TMEFF1: variants seen among roughly 807,000 people sequenced by gnomAD.
TMEFF1 encodes the protein tomoregulin-1.
A neutral mutation model predicts 47.5 loss-of-function variants in TMEFF1; 20 were observed. That is an observed-to-expected ratio of 0.42 (90% CI 0.30 to 0.61). The LOEUF (loss-of-function observed/expected upper bound fraction) is 0.61, where lower values mean the gene tolerates loss of function less well. Among genes scored for constraint, TMEFF1 ranks in the 20% least tolerant of loss-of-function variants. The probability of loss-of-function intolerance (pLI) is 0.19; values close to 1 mark genes in which losing one functional copy is unlikely to be tolerated. For missense variants in TMEFF1, 411 were observed against 471.1 expected (o/e 0.87, Z 1.18); for synonymous variants, 162 against 166.3 (o/e 0.97, Z 0.20).
rs576586021 is a variant in TMEFF1 at position 100,572,480 on chromosome 9, G to A, written c.900-38G>A. On this transcript the variant is annotated intron_variant, in intron 8 of 9. Transcript: ENST00000374879. ...TAAAAGCTTGGGAGTATCAAAATTT[G>A]TAATTTTCATAGGAATATATATATT... is the stretch of plus-strand genomic sequence containing the variant. 25 of 1,480,466 alleles carry A rather than the reference G, an allele frequency of 1.7e-5. No homozygotes were observed. In the South Asian group the frequency reaches 3.7e-4, roughly 22 times the overall value. The allele number at this position is 1,480,466 out of a possible 1,614,324, so 91.7% of individuals were successfully genotyped here. A position where few individuals can be genotyped will look rare whatever the true frequency, so the allele number is the denominator to read the frequency against.
chr9:100,575,729 A>G (rs1053052383), intron 9 of TMEFF1, among the ~76,000 whole-genome samples: 19 of 152,114 alleles, frequency 1.2e-4, no homozygotes, highest in Admixed American at 3.9e-4. Context: ...TTTTTTACAT[A>G]TAGGAGAATT....
chr9:100,496,945 G>T (rs1241578595), intron 1 of TMEFF1, among the ~76,000 whole-genome samples: 11 of 152,210 alleles, frequency 7.2e-5, no homozygotes, highest in Non-Finnish European at 1.5e-4. Flanking sequence ...TCTTAGTTGA[G>T]CAGATATTGT....
chr9:100,530,806 T>C (rs1045324734), intron 5 of TMEFF1, among the ~76,000 whole-genome samples: 3 of 151,758 alleles, frequency 2.0e-5, no homozygotes, highest in Non-Finnish European at 4.4e-5. Context: ...TAGACCAATA[T>C]CCTTGATGAA....
At chr9:100,493,071 C>T (rs923295302) in intron 1 of TMEFF1, among the ~76,000 whole-genome samples, 12 of 151,894 alleles carry the variant, frequency 7.9e-5, no homozygotes, top group Non-Finnish European at 1.2e-4. Flanking sequence ...AGTTTTGCCC[C>T]CTTCCCCCCT....
intron 9 of TMEFF1, among the ~76,000 whole-genome samples, chr9:100,574,546 A>AT (rs553647121): frequency 6.4e-4 from 93 of 145,360 alleles, no homozygotes; most frequent in South Asian, 5.7e-3. Context: ...TAATTTTTGT[A>AT]TTTTTTTTTT....
intron 5 of TMEFF1, among the ~76,000 whole-genome samples, chr9:100,544,585 A>G (rs1406876764): frequency 6.6e-6 from 1 of 151,986 alleles, no homozygotes; most frequent in Non-Finnish European, 1.5e-5. Flanking sequence ...CAGCCAAACC[A>G]TATCATTCCC....
chr9:100,562,259 C>T (rs1215919197), intron 8 of TMEFF1, among the ~76,000 whole-genome samples: 2 of 151,940 alleles, frequency 1.3e-5, no homozygotes, highest in Non-Finnish European at 2.9e-5. Context: ...TCCTTTTTTT[C>T]CTTTCTTAGT....
intron 7 of TMEFF1, among the ~76,000 whole-genome samples, chr9:100,557,860 C>G (rs1441091260): frequency 2.0e-5 from 3 of 149,580 alleles, no homozygotes; most frequent in African/African-American, 4.9e-5. Flanking sequence ...TCCTCTGTAG[C>G]TTAGCTGAGC....
intron 5 of TMEFF1, among the ~76,000 whole-genome samples, chr9:100,532,857 G>C (rs1460069499): frequency 6.6e-6 from 1 of 152,078 alleles, no homozygotes; most frequent in Non-Finnish European, 1.5e-5. Context: ...AACAATGATA[G>C]ACTGGATTAA....
chr9:100,509,477 A>T (rs561531455), intron 3 of TMEFF1, among the ~76,000 whole-genome samples: 1 of 152,100 alleles, frequency 6.6e-6, no homozygotes, highest in Non-Finnish European at 1.5e-5. Context: ...TGATTTTTTA[A>T]AAAGAGGTGA....
At chr9:100,546,598 A>G in intron 5 of TMEFF1, among the ~76,000 whole-genome samples, 1 of 152,240 alleles carries the variant, frequency 6.6e-6, no homozygotes, top group East Asian at 1.9e-4. Context: ...AATCAGCTTT[A>G]GAGAGCTCAA....
chr9:100,561,385 T>C lies in TMEFF1; in HGVS notation c.776-12T>C, dbSNP rs1340454979. 2 of 1,610,132 alleles carry C rather than the reference T, an allele frequency of 1.2e-6. No individual in the cohort carries two copies. The highest frequency in any genetic ancestry group is 3.4e-5 in the Admixed American group (2 of 59,150). ...TTTCATTGTTGAACGATCTGGTTTA[T>C]GTTCTTTTAAGATGCTAGTGATCAA... On this transcript the variant is annotated splice_polypyrimidine_tract_variant and intron_variant, in intron 7 of 9. Coordinates refer to ENST00000374879, the MANE Select transcript of TMEFF1 (RefSeq NM_003692.5).
In TMEFF1 at chr9:100,572,669, A is replaced by G; in HGVS notation, c.1051A>G (p.Ile351Val). Residue 351 changes from isoleucine (I) to valine (V), a missense_variant, in exon 9 of 10, where the codon ATA becomes GTA. By Grantham distance (29) the Ile-to-Val change is conservative. Coordinates refer to ENST00000374879, the MANE Select transcript of TMEFF1 (RefSeq NM_003692.5). ...IAIIVAIVMC[I>V]TRKCPKNNRG... ...CATCATAGTAGCAATTGTAATGTGC[A>G]TAACAAGGTAGGTAATGATGTAAGA... The G allele has an allele frequency of 1.9e-6, 3 of 1,605,500 alleles. No homozygotes were observed. Among genetic ancestry groups the G allele is most frequent in the South Asian group, 1.1e-5 (1 of 88,898 alleles).
chr9:100,535,000 C>T (rs1838475521), intron 5 of TMEFF1, among the ~76,000 whole-genome samples: 1 of 152,160 alleles, frequency 6.6e-6, no homozygotes. Context: ...CACATGTGGT[C>T]TTCACCATAC....
chr9:100,505,573 G>C (rs1644481134), intron 2 of TMEFF1, among the ~76,000 whole-genome samples: 1 of 152,136 alleles, frequency 6.6e-6, no homozygotes, highest in African/African-American at 2.4e-5. Flanking sequence ...GGAAAGTCTT[G>C]TCAAAATTCC....
At chr9:100,501,575 G>T (rs1179953738) in intron 2 of TMEFF1, among the ~76,000 whole-genome samples, 1 of 152,006 alleles carries the variant, frequency 6.6e-6, no homozygotes, top group Non-Finnish European at 1.5e-5. Flanking sequence ...ACTATGCTGA[G>T]CATTTGATAT....
At chr9:100,527,482 C>T (rs996916331) in intron 5 of TMEFF1, among the ~76,000 whole-genome samples, 8 of 152,194 alleles carry the variant, frequency 5.3e-5, no homozygotes, top group East Asian at 3.9e-4. Context: ...GGGTGACAGA[C>T]GGCACCTGGA....
chr9:100,540,134 C>T (rs1838601517), intron 5 of TMEFF1, among the ~76,000 whole-genome samples: 1 of 151,962 alleles, frequency 6.6e-6, no homozygotes, highest in South Asian at 2.1e-4. Context: ...ACACAGAGCG[C>T]TGATTGGCAC....
rs1384798707 is a variant in TMEFF1 at position 100,473,251 on chromosome 9, G to A, written c.-294G>A. 6 of 149,152 alleles carry A rather than the reference G, an allele frequency of 4.0e-5. No homozygotes were observed. Among genetic ancestry groups the A allele is most frequent in the Non-Finnish European group, 6.0e-5 (4 of 66,704 alleles). 9.2% of individuals were successfully genotyped at this position (149,152 alleles called of 1,614,324 possible). A position where few individuals can be genotyped will look rare whatever the true frequency, so the allele number is the denominator to read the frequency against. The stretch of plus-strand genomic sequence containing the variant: ...GGCCCGCGACCCCCGCCCGCCGCGC[G>A]CGCGCCCGCCCGCTCCCCTCGCCGC... On this transcript the variant is annotated 5_prime_UTR_variant, in exon 1 of 10. Coordinates refer to ENST00000374879, the MANE Select transcript of TMEFF1 (RefSeq NM_003692.5). This position sits in a 1 kb window ranked among gnomAD's most constrained non-coding sequence, Gnocchi z 5.4.
Sources: allele counts gnomAD v4.1 joint callset (sites outside exome capture counted in the v4.1 genomes callset), GRCh38; gene constraint gnomAD v4.1.1; non-coding constraint Gnocchi (gnomAD v3.1); transcripts MANE v1.5; gene names NCBI Gene and HGNC (gene_info 2026-07-23, HGNC 2026-07-21).